Variants in PCDHGA9 observed in about 807,000 individuals in gnomAD.
The protein encoded by PCDHGA9 is protocadherin gamma subfamily A, 9.
Under a neutral mutation model 62.5 loss-of-function variants are expected in PCDHGA9, and 37 were observed. The observed-to-expected ratio is 0.59, with a 90% CI of 0.46 to 0.78. The LOEUF is 0.78. Among genes scored for constraint, PCDHGA9 ranks in the 30% least tolerant of loss-of-function variants. PCDHGA9 has a pLI of 0.00. For synonymous variants in PCDHGA9, 459 were observed against 484.6 expected (o/e 0.95, Z 0.69); for missense variants, 1,138 against 1,166.2 (o/e 0.98, Z 0.35).
intron 1 of PCDHGA9, chr5:141,468,541 A>G (rs1407685120): frequency 6.6e-6 from 1 of 152,076 alleles, no homozygotes. Context: ...GTTTCCTGAC[A>G]TATTTAACAT....
At chr5:141,410,532 A>G in intron 1 of PCDHGA9, 1 of 1,613,908 alleles carries the variant, frequency 6.2e-7, no homozygotes, top group Non-Finnish European at 8.5e-7. Context: ...CATTCCAATG[A>G]AGACATGGTT....
intron 1 of PCDHGA9, chr5:141,430,634 C>G: frequency 1.1e-6 from 1 of 882,730 alleles, no homozygotes; most frequent in Non-Finnish European, 1.7e-6. Flanking sequence ...TGAACCATCC[C>G]TGGGAGTATG....
In PCDHGA9 at chr5:141,489,091, T is replaced by TCAG. The variant is rs2099682519; in HGVS notation, c.2425-5716_2425-5715insCAG. On this transcript the variant is annotated intron_variant, in intron 1 of 3. Transcript: ENST00000573521. This position sits in a 1 kb window ranked among gnomAD's most constrained non-coding sequence, Gnocchi z 4.5. ...CTGCCCACCCCCGCCACTCGGTGACTAAGAACTGCTGCAAGCAGGCAAACC... is the reference window on the plus strand; with the variant it reads ...CTGCCCACCCCCGCCACTCGGTGACTCAGAAGAACTGCTGCAAGCAGGCAAACC... The TCAG allele has an allele frequency of 3.0e-6, 1 of 333,056 alleles. No individual in the cohort carries two copies. Among genetic ancestry groups the TCAG allele is most frequent in the Non-Finnish European group, 5.5e-6 (1 of 181,380 alleles). 20.6% of individuals were successfully genotyped at this position (333,056 alleles called of 1,614,324 possible). A position where few individuals can be genotyped will look rare whatever the true frequency, so the allele number is the denominator to read the frequency against.
Position 141,490,157 on chromosome 5 carries a change from G to T in PCDHGA9, c.2425-4650G>T. 1 of 1,614,210 alleles carries T rather than the reference G, an allele frequency of 6.2e-7. No homozygotes were observed. The highest frequency in any genetic ancestry group is 8.5e-7 in the Non-Finnish European group (1 of 1,180,038). On this transcript the variant is annotated intron_variant, in intron 1 of 3. Transcript: ENST00000573521. This position sits in a 1 kb window ranked among gnomAD's most constrained non-coding sequence, Gnocchi z 5.4. ...AGCAGTGGGGCAATCCATGTGTTGGGTCCCATAGACTTTGAGGAGTCACGT... is the reference window on the plus strand; with the variant it reads ...AGCAGTGGGGCAATCCATGTGTTGGTTCCCATAGACTTTGAGGAGTCACGT...
Position 141,431,599 on chromosome 5 carries a change from C to T in PCDHGA9, c.2424+26223C>T. On this transcript the variant is annotated intron_variant, in intron 1 of 3. Transcript: ENST00000573521. The surrounding 1 kb of genome is among the most constrained non-coding windows in gnomAD (Gnocchi z 4.8). ...GAGTCAATGCGGAAGTGAGGTATTC[C>T]TTCCGGTATGTGGACGACAAGGCGG... 1 of 1,614,194 alleles carries T rather than the reference C, an allele frequency of 6.2e-7. No individual in the cohort carries two copies. The highest frequency in any genetic ancestry group is 8.5e-7 in the Non-Finnish European group (1 of 1,180,034).
chr5:141,494,441 C>T (rs1187169994), intron 1 of PCDHGA9, among the ~76,000 whole-genome samples: 2 of 152,154 alleles, frequency 1.3e-5, no homozygotes, highest in African/African-American at 4.8e-5. Context: ...TCCTTTGCCA[C>T]TTTAGGGGGC....
At chr5:141,414,137 T>C in intron 1 of PCDHGA9, 1 of 1,595,618 alleles carries the variant, frequency 6.3e-7, no homozygotes, top group South Asian at 1.1e-5. Context: ...TTCTATGAAA[T>C]AGAAATACAA....
chr5:141,409,952 C>A (rs892751686), intron 1 of PCDHGA9: 2 of 1,613,350 alleles, frequency 1.2e-6, no homozygotes, highest in Non-Finnish European at 1.7e-6. Context: ...CTCTGCAGAG[C>A]CCGGCTACCT....
At chr5:141,441,537 C>A in intron 1 of PCDHGA9, 1 of 173,250 alleles carries the variant, frequency 5.8e-6, no homozygotes, top group Non-Finnish European at 1.2e-5. Context: ...ACAATCTTCC[C>A]AAAGCCTCCA....
intron 1 of PCDHGA9, among the ~76,000 whole-genome samples, chr5:141,472,980 C>CAAAAA (rs60579131): frequency 1.7e-4 from 15 of 86,092 alleles, no homozygotes; most frequent in East Asian, 4.1e-4. Context: ...GAGTGAAACT[C>CAAAAA]AAAAAAAAAA....
rs749590670 is a variant in PCDHGA9, at chr5:141,415,328, A to T, written c.2424+9952A>T. 7.9e-5 allele frequency: 127 copies of T among 1,614,184 alleles called. No individual in the cohort carries two copies. The Admixed American group carries it at 1.9e-3, about 24-fold the overall frequency. ...GCCTTCGTCATCGTGCTGCTGGCGC[A>T]CAGGCTGCGGCGCTGGCACAAGTCA... On this transcript the variant is annotated intron_variant, in intron 1 of 3. Transcript: ENST00000573521.
At position 141,490,664 on chromosome 5, in the gene PCDHGA9, C is replaced by T; in HGVS notation, c.2425-4143C>T. 6.2e-7 allele frequency: 1 copy of T among 1,614,212 alleles called. No homozygotes were observed. The highest frequency in any genetic ancestry group is 1.1e-5 in the South Asian group (1 of 91,084). On this transcript the variant is annotated intron_variant, in intron 1 of 3. Coordinates refer to ENST00000573521, the MANE Select transcript of PCDHGA9 (RefSeq NM_018921.3). The surrounding 1 kb of genome is among the most constrained non-coding windows in gnomAD (Gnocchi z 5.4). ...CGGCCTCCGGGCTCCCTTCTTTGCA[C>T]TGTGGCTGCCTCAGATCCAGACACT...
At position 141,487,760 on chromosome 5, in the gene PCDHGA9, G is replaced by T; in HGVS notation, c.2425-7047G>T. On this transcript the variant is annotated intron_variant, in intron 1 of 3. Transcript: ENST00000573521. The surrounding 1 kb of genome is among the most constrained non-coding windows in gnomAD (Gnocchi z 5.0). Reference sequence around the variant, plus strand: ...TGTAAGAGGTAACTATGTGGTAGACGCTGTGCTTTGTAACTGTTTCGTGAA... The same window carrying T: ...TGTAAGAGGTAACTATGTGGTAGACTCTGTGCTTTGTAACTGTTTCGTGAA... 1 of 1,545,950 alleles carries T rather than the reference G, an allele frequency of 6.5e-7. No individual in the cohort carries two copies. The highest frequency in any genetic ancestry group is 1.4e-5 in the African/African-American group (1 of 73,162).
chr5:141,475,908 A>G (rs531350638), intron 1 of PCDHGA9: 110 of 585,688 alleles, frequency 1.9e-4, no homozygotes, highest in Non-Finnish European at 2.5e-4. Context: ...CTGTCGGCCA[A>G]TGAAGACGCT....
rs373036061 is a variant in PCDHGA9, at chr5:141,403,638, A to T, written c.686A>T (p.His229Leu). Residue 229 changes from histidine (H) to leucine (L), a missense_variant, in exon 1 of 4, where the codon CAT becomes CTT. By Grantham distance (99) the His-to-Leu change is moderately conservative (BLOSUM62 -3). Transcript: ENST00000573521. ...CGTCGCTCCAGCACAGTGCGCATCC[A>T]TGTGACAGTGTTGGATACAAATGAT... ...EPRRSSTVRI[H>L]VTVLDTNDNA... The T allele has an allele frequency of 1.9e-6, 3 of 1,613,906 alleles. No homozygotes were observed. The highest frequency in any genetic ancestry group is 2.5e-6 in the Non-Finnish European group (3 of 1,179,890).
intron 1 of PCDHGA9, chr5:141,428,444 T>C (rs2097139811): frequency 5.3e-6 from 2 of 379,264 alleles, no homozygotes; most frequent in Non-Finnish European, 1.0e-5. Context: ...AGACCAGGGG[T>C]TTTTCCCAAC....
chr5:141,431,767 T>G lies in PCDHGA9; in HGVS notation c.2424+26391T>G, dbSNP rs1397063213. On this transcript the variant is annotated intron_variant, in intron 1 of 3. Coordinates refer to ENST00000573521, the MANE Select transcript of PCDHGA9 (RefSeq NM_018921.3). The surrounding 1 kb of genome is among the most constrained non-coding windows in gnomAD (Gnocchi z 4.8). ...CTGCGCGAGCCAAAGTCCTGATCAC[T>G]GTTCTGGACGTGAACGACAATGCCC... The G allele has an allele frequency of 6.2e-7, 1 of 1,614,224 alleles. No individual in the cohort carries two copies.
intron 1 of PCDHGA9, 72 bp from the exon 2 acceptor site, chr5:141,494,735 A>C: frequency 6.2e-7 from 1 of 1,610,712 alleles, no homozygotes; most frequent in Middle Eastern, 1.7e-4. Context: ...CTCCCGGCCC[A>C]TCCCTAGGGG....
intron 1 of PCDHGA9, among the ~76,000 whole-genome samples, chr5:141,462,117 C>G (rs965365318): frequency 6.6e-6 from 1 of 152,170 alleles, no homozygotes; most frequent in African/African-American, 2.4e-5. Flanking sequence ...GCCACTGCAC[C>G]CAGTCCAATT....
Sources: allele counts gnomAD v4.1 joint callset (sites outside exome capture counted in the v4.1 genomes callset), GRCh38; gene constraint gnomAD v4.1.1; non-coding constraint Gnocchi (gnomAD v3.1); transcripts MANE v1.5; gene names NCBI Gene and HGNC (gene_info 2026-07-23, HGNC 2026-07-21).